LAPTM4A: variants seen among roughly 807,000 people sequenced by gnomAD.
LAPTM4A encodes lysosomal-associated transmembrane protein 4A.
In LAPTM4A, 19 loss-of-function variants were observed where a neutral mutation model predicts 29.9. The observed-to-expected ratio is 0.64, with a 90% CI of 0.44 to 0.93. The LOEUF is 0.93. LAPTM4A is among the 40% of genes least tolerant of loss of function. The pLI is 0.00. For synonymous variants in LAPTM4A, 105 were observed against 102.1 expected (o/e 1.03, Z -0.17); for missense variants, 293 against 288.5 (o/e 1.02, Z -0.11).
At chr2:20,034,528 T>G in intron 5 of LAPTM4A, 113 bp from the exon 6 acceptor site, 1 of 751,974 alleles carries the variant, frequency 1.3e-6, no homozygotes, top group Non-Finnish European at 2.4e-6. Context: ...AGAAGGGAGC[T>G]GACCTCTGTG....
At chr2:20,045,305 A>G (rs1385181051) in intron 1 of LAPTM4A, among the ~76,000 whole-genome samples, 4 of 152,202 alleles carry the variant, frequency 2.6e-5, no homozygotes, top group Admixed American at 1.3e-4. Flanking sequence ...AATGTAATTT[A>G]AAAAGAATGA....
chr2:20,038,057 G>C lies in LAPTM4A; in HGVS notation c.233-443C>G, dbSNP rs113886961. ...TGACACAAGATGGGTCTTATGAGTA[G>C]GGTTTAGCTGGAAGGAATGGCTGGC... On this transcript the variant is annotated intron_variant, in intron 2 of 6. Coordinates refer to ENST00000175091, the MANE Select transcript of LAPTM4A (RefSeq NM_014713.5). 4.9e-4 allele frequency among the ~76,000 whole-genome samples: 74 copies of C among 152,270 alleles called. 1 individual carries two copies. The highest frequency in any genetic ancestry group is 1.8e-3 in the African/African-American group (73 of 41,538).
intron 1 of LAPTM4A, among the ~76,000 whole-genome samples, 162 bp from the exon 2 acceptor site, chr2:20,041,173 A>G (rs115359276): frequency 0.011 from 1,696 of 152,334 alleles, 27 homozygotes; most frequent in African/African-American, 0.035. Flanking sequence ...CGCAATTACC[A>G]CTATGAGAAT....
chr2:20,041,068 C>T, intron 1 of LAPTM4A, 57 bp from the exon 2 acceptor site: 1 of 1,560,720 alleles, frequency 6.4e-7, no homozygotes, highest in East Asian at 2.2e-5. Flanking sequence ...GCAATCTTAG[C>T]ACAATCTCTA....
At chr2:20,043,512 G>T (rs934708886) in intron 1 of LAPTM4A, among the ~76,000 whole-genome samples, 6 of 152,114 alleles carry the variant, frequency 3.9e-5, no homozygotes, top group African/African-American at 1.4e-4. Context: ...CACTGTGTCG[G>T]CCAGCTATCG....
intron 1 of LAPTM4A, among the ~76,000 whole-genome samples, chr2:20,043,522 G>C (rs1372218102): frequency 6.6e-6 from 1 of 152,074 alleles, no homozygotes; most frequent in East Asian, 1.9e-4. Flanking sequence ...GCCAGCTATC[G>C]ATAGTATTTT....
chr2:20,045,362 T>C (rs1673894975), intron 1 of LAPTM4A, among the ~76,000 whole-genome samples: 1 of 151,898 alleles, frequency 6.6e-6, no homozygotes, highest in Non-Finnish European at 1.5e-5. Flanking sequence ...GCTGGTCAGG[T>C]GCCTGAGGTG....
rs1424616636 is a variant in LAPTM4A, at chr2:20,033,186, T to C, written c.*19A>G. Reference sequence around the variant, plus strand: ...AACAAAAAGCTGGTATAGGATTTATTGTCAAAGGCAGAATTTCTTCAGGCA... The same window carrying C: ...AACAAAAAGCTGGTATAGGATTTATCGTCAAAGGCAGAATTTCTTCAGGCA... On this transcript the variant is annotated 3_prime_UTR_variant, in exon 7 of 7. Coordinates refer to ENST00000175091, the MANE Select transcript of LAPTM4A (RefSeq NM_014713.5). 8 of 1,603,824 alleles carry C rather than the reference T, an allele frequency of 5.0e-6. No homozygotes were observed. The highest frequency in any genetic ancestry group is 1.1e-5 in the South Asian group (1 of 90,874).
intron 4 of LAPTM4A, among the ~76,000 whole-genome samples, chr2:20,036,570 G>A (rs368677950): frequency 1.3e-5 from 2 of 152,184 alleles, no homozygotes; most frequent in Non-Finnish European, 2.9e-5. Context: ...AATGAATGAT[G>A]AATTTGGTGG....
intron 4 of LAPTM4A, 76 bp downstream of exon 4, chr2:20,037,240 G>A (rs1363768437): frequency 7.8e-7 from 1 of 1,274,488 alleles, no homozygotes; most frequent in African/African-American, 1.5e-5. Context: ...TAATACCTAA[G>A]GCTGATTCAG....
At chr2:20,045,744 T>C (rs549315534) in intron 1 of LAPTM4A, among the ~76,000 whole-genome samples, 50 of 152,350 alleles carry the variant, frequency 3.3e-4, no homozygotes, top group African/African-American at 1.2e-3. Flanking sequence ...AGGAATTCTT[T>C]GTTTTCTTCT....
chr2:20,033,524 G>A (rs1218836046), intron 6 of LAPTM4A, among the ~76,000 whole-genome samples: 1 of 152,146 alleles, frequency 6.6e-6, no homozygotes, highest in Admixed American at 6.5e-5. Context: ...TCTGGACAAG[G>A]ATTCCTAGAC....
intron 2 of LAPTM4A, 124 bp downstream of exon 2, chr2:20,040,767 T>C (rs1673778660): frequency 1.1e-6 from 1 of 927,916 alleles, no homozygotes; most frequent in Non-Finnish European, 1.7e-6. Flanking sequence ...GTACACCCTA[T>C]GATGTTCACA....
intron 2 of LAPTM4A, among the ~76,000 whole-genome samples, chr2:20,040,019 C>G (rs542378496): frequency 6.6e-6 from 1 of 152,274 alleles, no homozygotes; most frequent in South Asian, 2.1e-4. Flanking sequence ...GCACTCCAGC[C>G]TGGGCAACAA....
chr2:20,044,914 A>C (rs1482154464), intron 1 of LAPTM4A, among the ~76,000 whole-genome samples: 1 of 152,192 alleles, frequency 6.6e-6, no homozygotes, highest in Non-Finnish European at 1.5e-5. Flanking sequence ...TGACTTAAAA[A>C]AATTTTTTTT....
At chr2:20,039,579 C>T (rs759661942) in intron 2 of LAPTM4A, among the ~76,000 whole-genome samples, 1 of 151,908 alleles carries the variant, frequency 6.6e-6, no homozygotes, top group African/African-American at 2.4e-5. Context: ...GACAGGGAGA[C>T]CCGATCTCCA....
chr2:20,045,166 C>T (rs1024998180), intron 1 of LAPTM4A, among the ~76,000 whole-genome samples: 4 of 152,212 alleles, frequency 2.6e-5, no homozygotes, highest in African/African-American at 9.7e-5. Context: ...TCAAAAAATA[C>T]ATAAAATTAA....
At chr2:20,046,200 C>T (rs185786426) in intron 1 of LAPTM4A, among the ~76,000 whole-genome samples, 10 of 152,114 alleles carry the variant, frequency 6.6e-5, no homozygotes, top group Admixed American at 4.6e-4. Context: ...GGCCTGTCAG[C>T]GGGTGGCGGG....
chr2:20,051,485 G>C lies in LAPTM4A; in HGVS notation c.36C>G (p.Asp12Glu), dbSNP rs764206674. The C allele has an allele frequency of 9.3e-6, 15 of 1,612,190 alleles. No homozygotes were observed. The Admixed American group carries it at 1.7e-4, about 18-fold the overall frequency. ...CGCAGCACCGGGTGCTGTAGAACCGGTCACTGCGGTTCCGCTTGAAACTCA... is the reference window on the plus strand; with the variant it reads ...CGCAGCACCGGGTGCTGTAGAACCGCTCACTGCGGTTCCGCTTGAAACTCA... ...VSMSFKRNRS[D>E]RFYSTRCCGC... The change falls in exon 1 of 7, where the codon GAC becomes GAG. Residue 12 changes from aspartate (D) to glutamate (E), a missense_variant. Asp to Glu is a conservative substitution (Grantham distance 45, BLOSUM62 2). Coordinates refer to ENST00000175091, the MANE Select transcript of LAPTM4A (RefSeq NM_014713.5).
Sources: gnomAD v4.1 joint callset for allele counts (sites outside exome capture counted in the v4.1 genomes callset) on GRCh38, gnomAD v4.1.1 for gene constraint, MANE v1.5 for transcripts, NCBI Gene and HGNC (gene_info 2026-07-23, HGNC 2026-07-21) for gene names.